The following PLPPR1 variants were observed in gnomAD, a reference collection of about 807,000 sequenced individuals.
PLPPR1 encodes the protein phospholipid phosphatase related 1.
A neutral mutation model predicts 33.1 loss-of-function variants in PLPPR1; 10 were observed. The observed-to-expected ratio is 0.30, with a 90% CI of 0.19 to 0.51. The LOEUF is 0.51. PLPPR1 is among the 20% of genes least tolerant of loss of function. The pLI is 0.97. For synonymous variants in PLPPR1, 151 were observed against 151.0 expected (o/e 1.00, Z 0.00); for missense variants, 304 against 408.1 (o/e 0.74, Z 2.20).
At chr9:101,229,562 G>C (rs1235895929) in intron 2 of PLPPR1, among the ~76,000 whole-genome samples, 2 of 151,918 alleles carry the variant, frequency 1.3e-5, no homozygotes, top group Admixed American at 1.3e-4. Context: ...ATTTCATGCT[G>C]TATTTCACAG....
At chr9:101,075,303 G>A (rs1234334223) in intron 1 of PLPPR1, among the ~76,000 whole-genome samples, 1 of 152,132 alleles carries the variant, frequency 6.6e-6, no homozygotes, top group Admixed American at 6.5e-5. Flanking sequence ...AAATATGTTT[G>A]ATTTGTTCAC....
At chr9:101,090,649 C>T (rs1313839003) in intron 1 of PLPPR1, among the ~76,000 whole-genome samples, 3 of 152,014 alleles carry the variant, frequency 2.0e-5, no homozygotes, top group African/African-American at 4.8e-5. Context: ...ACCTGGGAGG[C>T]GGAGTTTGCA....
At chr9:101,266,414 A>AAAAG (rs1827999744) in intron 2 of PLPPR1, among the ~76,000 whole-genome samples, 1 of 150,594 alleles carries the variant, frequency 6.6e-6, no homozygotes, top group Admixed American at 6.6e-5. Context: ...AAAAGAAAGA[A>AAAAG]AGAAAGAAAG....
intron 2 of PLPPR1, among the ~76,000 whole-genome samples, chr9:101,244,144 T>C (rs181457580): frequency 6.6e-6 from 1 of 152,038 alleles, no homozygotes; most frequent in Non-Finnish European, 1.5e-5. Flanking sequence ...GCCTAATGAA[T>C]TTTTCAATTA....
Position 101,086,482 on chromosome 9 carries a change from C to T in PLPPR1, c.-46+57380C>T, listed in dbSNP as rs10989391. ...TGGTCTACCCCATGAAGGGTGTGTC[C>T]CATAGCCAGGTAGCTGCCTACAGCT... is the stretch of plus-strand genomic sequence containing the variant. On this transcript the variant is annotated intron_variant, in intron 1 of 7. Transcript: ENST00000374874. Among the ~76,000 whole-genome samples the T allele has an allele frequency of 1.3e-3, 193 of 152,252 alleles. 7 individuals carry two copies. The East Asian group carries it at 0.034, about 27-fold the overall frequency.
chr9:101,258,536 T>C (rs1827841817), intron 2 of PLPPR1, among the ~76,000 whole-genome samples: 1 of 152,162 alleles, frequency 6.6e-6, no homozygotes, highest in Admixed American at 6.5e-5. Flanking sequence ...AGCGGAACTA[T>C]AAAATTTTAG....
chr9:101,226,907 A>G (rs1827081371), intron 2 of PLPPR1, among the ~76,000 whole-genome samples: 1 of 152,138 alleles, frequency 6.6e-6, no homozygotes, highest in Non-Finnish European at 1.5e-5. Flanking sequence ...CTTTCTATTA[A>G]TGGAGACATA....
chr9:101,107,903 C>T (rs1205769973), intron 1 of PLPPR1, among the ~76,000 whole-genome samples: 1 of 151,200 alleles, frequency 6.6e-6, no homozygotes, highest in Non-Finnish European at 1.5e-5. Flanking sequence ...GTGGGAGTGA[C>T]CCGATTTTCC....
chr9:101,215,635 C>G (rs1826778528), intron 2 of PLPPR1, among the ~76,000 whole-genome samples: 1 of 152,126 alleles, frequency 6.6e-6, no homozygotes, highest in Non-Finnish European at 1.5e-5. Context: ...ATCTTCTCCT[C>G]CCTGCTTCCC....
intron 1 of PLPPR1, among the ~76,000 whole-genome samples, chr9:101,034,837 A>G (rs1829990812): frequency 6.6e-6 from 1 of 151,910 alleles, no homozygotes; most frequent in Non-Finnish European, 1.5e-5. Flanking sequence ...GTTGGTTATA[A>G]ATAGTTGGCT....
intron 2 of PLPPR1, among the ~76,000 whole-genome samples, chr9:101,257,935 A>G (rs984664180): frequency 3.3e-5 from 5 of 152,148 alleles, no homozygotes; most frequent in African/African-American, 1.2e-4. Flanking sequence ...ATATTATTAT[A>G]GCATGAACAG....
At chr9:101,074,132 C>T (rs944807281) in intron 1 of PLPPR1, among the ~76,000 whole-genome samples, 5 of 152,078 alleles carry the variant, frequency 3.3e-5, no homozygotes, top group East Asian at 1.9e-4. Context: ...GGGGGTATAC[C>T]GATGCATCAG....
intron 2 of PLPPR1, among the ~76,000 whole-genome samples, chr9:101,247,659 G>A (rs1267406242): frequency 6.6e-6 from 1 of 151,972 alleles, no homozygotes; most frequent in Admixed American, 6.6e-5. Flanking sequence ...ACAAGCACAC[G>A]TAGAGCATTT....
chr9:101,129,838 A>G lies in PLPPR1; in HGVS notation c.-45-55612A>G, dbSNP rs577564677. Among the ~76,000 whole-genome samples, 5 of 152,304 alleles carry G rather than the reference A, an allele frequency of 3.3e-5. No individual in the cohort carries two copies. The East Asian group carries it at 9.6e-4, about 29-fold the overall frequency. On this transcript the variant is annotated intron_variant, in intron 1 of 7. Transcript: ENST00000374874. ...AGAGCAAGACTGTCTCAAAACAATA[A>G]AAAAATAAATAAAAGGGAAAAAAAT...
Position 101,324,322 on chromosome 9 carries a change from T to TTATTCAA in PLPPR1, c.*267_*273dup. ...TCAAGCGTGCATTGAAGAACCACAT[T>TTATTCAA]TATTCAATGGTTGACGTTGTTTTGT... On this transcript the variant is annotated 3_prime_UTR_variant, in exon 8 of 8. Coordinates refer to ENST00000374874, the MANE Select transcript of PLPPR1 (RefSeq NM_207299.2). 2.8e-6 allele frequency: 1 copy of TTATTCAA among 359,970 alleles called. No individual in the cohort carries two copies. Among genetic ancestry groups the TTATTCAA allele is most frequent in the Non-Finnish European group, 5.0e-6 (1 of 200,520 alleles). 22.3% of individuals were successfully genotyped at this position (359,970 alleles called of 1,614,324 possible). A position where few individuals can be genotyped will look rare whatever the true frequency, so the allele number is the denominator to read the frequency against.
At chr9:101,240,409 A>ACTGTTTTT (rs1564012614) in intron 2 of PLPPR1, among the ~76,000 whole-genome samples, 12 of 151,772 alleles carry the variant, frequency 7.9e-5, no homozygotes, top group African/African-American at 2.7e-4. Flanking sequence ...AAATTTTAGA[A>ACTGTTTTT]TTGTTTTTTT....
chr9:101,108,038 G>A (rs1400248557), intron 1 of PLPPR1, among the ~76,000 whole-genome samples: 3 of 148,984 alleles, frequency 2.0e-5, no homozygotes, highest in East Asian at 2.0e-4. Context: ...ACTGGCCTGC[G>A]CCCACTGTCT....
At chr9:101,295,402 A>C (rs1017294968) in intron 4 of PLPPR1, among the ~76,000 whole-genome samples, 1 of 151,986 alleles carries the variant, frequency 6.6e-6, no homozygotes, top group African/African-American at 2.4e-5. Flanking sequence ...ATTCAATGCC[A>C]TCTCCATCAA....
intron 1 of PLPPR1, among the ~76,000 whole-genome samples, chr9:101,110,716 G>A (rs921865997): frequency 6.6e-6 from 1 of 152,142 alleles, no homozygotes; most frequent in Non-Finnish European, 1.5e-5. Flanking sequence ...CGAATAAGAA[G>A]TTGCTAACAG....
Sources: allele counts gnomAD v4.1 joint callset (sites outside exome capture counted in the v4.1 genomes callset), GRCh38; gene constraint gnomAD v4.1.1; transcripts MANE v1.5; gene names NCBI Gene and HGNC (gene_info 2026-07-23, HGNC 2026-07-21).